Variants in TENM4 observed in about 807,000 individuals in gnomAD.
The protein encoded by TENM4 is teneurin transmembrane protein 4.
Under a neutral mutation model 243.3 loss-of-function variants are expected in TENM4, and 82 were observed. The observed-to-expected ratio is 0.34, with a 90% CI of 0.28 to 0.40. The LOEUF (loss-of-function observed/expected upper bound fraction) is 0.40, where lower values mean the gene tolerates loss of function less well. TENM4 is among the 10% of genes least tolerant of loss of function. The pLI is 1.00. For missense variants in TENM4, 3,138 were observed against 3,673.3 expected, an observed-to-expected ratio of 0.85 and a Z score of 3.77; for synonymous variants, 1,412 against 1,456.3, an observed-to-expected ratio of 0.97 and a Z score of 0.69.
At chr11:79,145,314 A>G (rs1862376477) in intron 4 of TENM4, among the ~76,000 whole-genome samples, 1 of 152,042 alleles carries the variant, frequency 6.6e-6, no homozygotes, top group South Asian at 2.1e-4. Flanking sequence ...CAAATTGACA[A>G]CACCCATTTA....
chr11:79,171,710 T>C (rs1863045214), intron 3 of TENM4, among the ~76,000 whole-genome samples: 1 of 152,234 alleles, frequency 6.6e-6, no homozygotes, highest in African/African-American at 2.4e-5. Flanking sequence ...ATCCATTTAT[T>C]GCTTGCTGTA....
intron 1 of TENM4, among the ~76,000 whole-genome samples, chr11:79,431,333 C>G (rs1279104611): frequency 2.0e-5 from 3 of 152,198 alleles, no homozygotes; most frequent in African/African-American, 7.2e-5. Context: ...CGCTGCTAGG[C>G]TTGGCCACAT....
intron 6 of TENM4, among the ~76,000 whole-genome samples, chr11:78,910,278 C>T (rs1485609995): frequency 6.6e-6 from 1 of 152,096 alleles, no homozygotes; most frequent in Non-Finnish European, 1.5e-5. Flanking sequence ...TTAATTGGGT[C>T]CTAAAGATTG....
At chr11:79,363,314 C>T (rs550647578) in intron 1 of TENM4, among the ~76,000 whole-genome samples, 2 of 152,340 alleles carry the variant, frequency 1.3e-5, no homozygotes, top group East Asian at 3.9e-4. Flanking sequence ...CTGCCCAATT[C>T]CTACAGGCAT....
intron 2 of TENM4, among the ~76,000 whole-genome samples, chr11:79,217,733 T>TC (rs575408616): frequency 6.6e-5 from 10 of 152,114 alleles, no homozygotes; most frequent in Non-Finnish European, 1.3e-4. Context: ...AATTTTTTTT[T>TC]TTTTTGAGAT....
chr11:78,726,124 C>T lies in TENM4; in HGVS notation c.3505G>A (p.Gly1169Arg). ...QGYEIDASKLGGWSLDKHHAL... is the reference protein window; with the variant it reads ...QGYEIDASKLRGWSLDKHHAL... ...TGATGTTTGTCTAGGCTCCATCCTC[C>T]AAGCTTGGACGCGTCAATTTCATAG... Residue 1169 changes from glycine to arginine, a missense_variant, in exon 23 of 34, where the codon GGA (glycine) becomes AGA (arginine). Gly to Arg is a moderately radical substitution (Grantham distance 125, BLOSUM62 -2). This residue lies in a region of TENM4 where 2,467 missense variants were observed against 3,059.1 expected (regional missense o/e 0.81). Transcript: ENST00000278550. 1 of 1,614,024 alleles carries T rather than the reference C, an allele frequency of 6.2e-7. No individual in the cohort carries two copies. Among genetic ancestry groups the T allele is most frequent in the Non-Finnish European group, 8.5e-7 (1 of 1,179,890 alleles).
intron 7 of TENM4, among the ~76,000 whole-genome samples, chr11:78,900,419 T>C (rs927015077): frequency 9.2e-5 from 14 of 152,270 alleles, no homozygotes; most frequent in African/African-American, 3.4e-4. Context: ...CAAACTTACT[T>C]CTCTGAAGTA....
chr11:79,338,304 G>A (rs1467650143), intron 1 of TENM4, among the ~76,000 whole-genome samples: 1 of 152,224 alleles, frequency 6.6e-6, no homozygotes, highest in Non-Finnish European at 1.5e-5. Flanking sequence ...TTCTAGTGGG[G>A]CAAATTTTCA....
At chr11:79,416,285 G>T (rs12275848) in intron 1 of TENM4, among the ~76,000 whole-genome samples, 58 of 152,196 alleles carry the variant, frequency 3.8e-4, no homozygotes, top group African/African-American at 1.3e-3. Context: ...TCACAAGGTA[G>T]GTATGTATTT....
intron 6 of TENM4, among the ~76,000 whole-genome samples, chr11:79,024,857 A>T (rs1859033950): frequency 6.6e-6 from 1 of 152,228 alleles, no homozygotes; most frequent in Non-Finnish European, 1.5e-5. Context: ...AGTTTGGCCA[A>T]GGGCCACACA....
chr11:78,774,793 C>T (rs914633021), intron 17 of TENM4, among the ~76,000 whole-genome samples: 4 of 152,172 alleles, frequency 2.6e-5, no homozygotes, highest in East Asian at 1.9e-4. Flanking sequence ...GTCAAAACAA[C>T]GTCAAGTTAG....
intron 4 of TENM4, among the ~76,000 whole-genome samples, chr11:79,108,024 T>C (rs1485498343): frequency 1.3e-5 from 2 of 152,208 alleles, no homozygotes; most frequent in Non-Finnish European, 2.9e-5. Context: ...GCTTAATTCA[T>C]GGGGAAAAGG....
chr11:78,892,576 T>A (rs1430425634), intron 7 of TENM4, among the ~76,000 whole-genome samples: 4 of 152,258 alleles, frequency 2.6e-5, no homozygotes, highest in Admixed American at 1.3e-4. Context: ...GGTTGTTATA[T>A]GGATCGGCTG....
At chr11:79,176,433 C>T (rs568947524) in intron 3 of TENM4, among the ~76,000 whole-genome samples, 23 of 152,196 alleles carry the variant, frequency 1.5e-4, no homozygotes, top group Non-Finnish European at 2.9e-4. Flanking sequence ...CTCCTGAACA[C>T]TTAATATATT....
intron 3 of TENM4, among the ~76,000 whole-genome samples, chr11:79,190,848 GTCTCCC>G (rs1442484481): frequency 6.5e-5 from 1 of 15,486 alleles, no homozygotes; most frequent in African/African-American, 4.4e-4. Flanking sequence ...TCCCTCTCCC[GTCTCCC>G]TCTCCCTCTC....
At chr11:79,198,601 G>A (rs368898622) in intron 3 of TENM4, among the ~76,000 whole-genome samples, 17 of 152,218 alleles carry the variant, frequency 1.1e-4, no homozygotes, top group African/African-American at 3.6e-4. Flanking sequence ...CTGGTGAGTT[G>A]GTGGGAATAG....
intron 6 of TENM4, among the ~76,000 whole-genome samples, chr11:78,985,700 G>T (rs1857901526): frequency 6.6e-6 from 1 of 151,952 alleles, no homozygotes; most frequent in Admixed American, 6.6e-5. Flanking sequence ...TATTTTCCTT[G>T]TTTCCTTTGA....
At chr11:79,401,632 A>G (rs541757967) in intron 1 of TENM4, among the ~76,000 whole-genome samples, 1 of 152,358 alleles carries the variant, frequency 6.6e-6, no homozygotes, top group Admixed American at 6.5e-5. Flanking sequence ...CTTTCCATCT[A>G]TGTACTTAAC....
chr11:78,965,496 A>G (rs372360444), intron 6 of TENM4, among the ~76,000 whole-genome samples: 4 of 152,214 alleles, frequency 2.6e-5, no homozygotes, highest in East Asian at 3.8e-4. Flanking sequence ...AGTTGTTAGA[A>G]TTTCAGACAA....
Sources: allele counts gnomAD v4.1 joint callset (sites outside exome capture counted in the v4.1 genomes callset), GRCh38; gene constraint gnomAD v4.1.1; regional missense constraint gnomAD v4.1.1; transcripts MANE v1.5; gene names NCBI Gene and HGNC (gene_info 2026-07-23, HGNC 2026-07-21).